The following AGAP1 variants were observed in gnomAD, a reference collection of about 807,000 sequenced individuals.
The protein encoded by AGAP1 is ArfGAP with GTPase domain, ankyrin repeat and PH domain 1.
In AGAP1, 29 loss-of-function variants were observed where a neutral mutation model predicts 105.3. That is an observed-to-expected ratio of 0.28 (90% CI 0.21 to 0.38). The LOEUF (loss-of-function observed/expected upper bound fraction) is 0.38. Among genes scored for constraint, AGAP1 ranks in the 10% least tolerant of loss-of-function variants. The pLI is 1.00. For missense variants in AGAP1, 998 were observed against 1,165.1 expected (o/e 0.86, Z 2.09); for synonymous variants, 509 against 485.9 (o/e 1.05, Z -0.63).
intron 1 of AGAP1, among the ~76,000 whole-genome samples, chr2:235,573,362 G>A (rs1026585038): frequency 6.6e-6 from 1 of 151,966 alleles, no homozygotes; most frequent in African/African-American, 2.4e-5. Context: ...ACAGGTGTGT[G>A]TCCCTGCACC....
At chr2:235,640,781 A>G (rs747681934) in intron 1 of AGAP1, among the ~76,000 whole-genome samples, 7 of 152,300 alleles carry the variant, frequency 4.6e-5, no homozygotes, top group South Asian at 4.1e-4. Context: ...CACTTTGCAA[A>G]CCTGCCTGAG....
At chr2:235,651,184 CAAAAAAAAAAAAAAAAAAAA>C (rs55990003) in intron 1 of AGAP1, among the ~76,000 whole-genome samples, 3 of 54,112 alleles carry the variant, frequency 5.5e-5, no homozygotes, top group East Asian at 1.7e-3. Flanking sequence ...AACTCCATCT[CAAAAAAAAAAAAAAAAAAAA>C]AAAAAAAAAA....
At chr2:235,987,650 A>G (rs78690639) in intron 13 of AGAP1, among the ~76,000 whole-genome samples, 58 of 152,114 alleles carry the variant, frequency 3.8e-4, no homozygotes, top group Non-Finnish European at 7.5e-4. Context: ...ATTTAGTGCT[A>G]TAAATTTCCC....
At position 236,055,160 on chromosome 2, in the gene AGAP1, A is replaced by G. The variant is rs1368386818; in HGVS notation, c.2114+5879A>G. 6.6e-6 allele frequency among the ~76,000 whole-genome samples: 1 copy of G among 152,172 alleles called. No homozygotes were observed. The highest frequency in any genetic ancestry group is 2.4e-5 in the African/African-American group (1 of 41,430). ...GGTATGAATAAACTCCTCTGATTCT[A>G]TCATCCCGGATGCAGAGGGTTCAGG... On this transcript the variant is annotated intron_variant, in intron 16 of 17. Coordinates refer to ENST00000304032, the MANE Select transcript of AGAP1 (RefSeq NM_001037131.3). The surrounding 1 kb of genome is among the most constrained non-coding windows in gnomAD (Gnocchi z 6.2).
At chr2:235,841,085 T>G (rs909469466) in intron 9 of AGAP1, among the ~76,000 whole-genome samples, 1 of 151,980 alleles carries the variant, frequency 6.6e-6, no homozygotes, top group Non-Finnish European at 1.5e-5. Context: ...GGGTCTTTGA[T>G]GACATCAGGG....
chr2:235,519,764 C>T (rs1161284871), intron 1 of AGAP1, among the ~76,000 whole-genome samples: 2 of 152,090 alleles, frequency 1.3e-5, no homozygotes, highest in African/African-American at 4.8e-5. Context: ...TACCCTGCCA[C>T]CTACCAATAT....
intron 1 of AGAP1, among the ~76,000 whole-genome samples, chr2:235,538,669 C>G (rs1311793826): frequency 1.3e-5 from 2 of 152,076 alleles, no homozygotes; most frequent in Non-Finnish European, 2.9e-5. Flanking sequence ...TCAGGCTGAA[C>G]CATCCTCACT....
At chr2:235,955,883 G>A (rs1041557231) in intron 12 of AGAP1, among the ~76,000 whole-genome samples, 3 of 152,172 alleles carry the variant, frequency 2.0e-5, no homozygotes, top group Admixed American at 2.0e-4. Flanking sequence ...GCCCCTCGCT[G>A]TACTGGCCTA....
intron 1 of AGAP1, among the ~76,000 whole-genome samples, chr2:235,629,269 TGTG>T (rs1022806815): frequency 2.2e-3 from 5 of 2,226 alleles, no homozygotes; most frequent in African/African-American, 4.5e-3. Flanking sequence ...TAGTAGTCAT[TGTG>T]TGTGTGTGTG....
chr2:235,933,263 C>T (rs1438682756), intron 12 of AGAP1, among the ~76,000 whole-genome samples: 1 of 152,096 alleles, frequency 6.6e-6, no homozygotes, highest in Non-Finnish European at 1.5e-5. Flanking sequence ...CATTGGGGCA[C>T]TTCGGACAAA....
chr2:235,534,056 CG>C (rs1574786377), intron 1 of AGAP1, among the ~76,000 whole-genome samples: 1 of 152,206 alleles, frequency 6.6e-6, no homozygotes, highest in East Asian at 1.9e-4. Context: ...CTCCAAACAC[CG>C]TCGCTGTCGA....
rs2050308735 is a variant in AGAP1, at chr2:235,887,130, A to G, written c.1155+3681A>G. On this transcript the variant is annotated intron_variant, in intron 10 of 17. Coordinates refer to ENST00000304032, the MANE Select transcript of AGAP1 (RefSeq NM_001037131.3). The surrounding 1 kb of genome is among the most constrained non-coding windows in gnomAD (Gnocchi z 4.1). Reference sequence around the variant, plus strand: ...GAAAATTTCAAAAGATCGTAGAACCAGATGATCTCAGTTAAACACGGACCA... The same window carrying G: ...GAAAATTTCAAAAGATCGTAGAACCGGATGATCTCAGTTAAACACGGACCA... Among the ~76,000 whole-genome samples, 1 of 152,234 alleles carries G rather than the reference A, an allele frequency of 6.6e-6. No homozygotes were observed. Among genetic ancestry groups the G allele is most frequent in the Non-Finnish European group, 1.5e-5 (1 of 68,032 alleles).
rs946316342 is a variant in AGAP1 at position 235,712,628 on chromosome 2, T to C, written c.222+3391T>C. ...TGGAGAAATCAGTTTAGGAAGACAT[T>C]GCATTCCCTTTGGCCTTGTGATGTG... On this transcript the variant is annotated intron_variant, in intron 2 of 17. Transcript: ENST00000304032. The surrounding 1 kb of genome is among the most constrained non-coding windows in gnomAD (Gnocchi z 6.0). Among the ~76,000 whole-genome samples, 3 of 152,236 alleles carry C rather than the reference T, an allele frequency of 2.0e-5. No individual in the cohort carries two copies. Among genetic ancestry groups the C allele is most frequent in the African/African-American group, 7.2e-5 (3 of 41,470 alleles).
intron 9 of AGAP1, among the ~76,000 whole-genome samples, chr2:235,812,303 G>A (rs1438969841): frequency 1.3e-5 from 2 of 152,218 alleles, no homozygotes; most frequent in African/African-American, 4.8e-5. Context: ...GTCAGAGGAA[G>A]AGCCGGCCTG....
rs1170088308 is a variant in AGAP1, at chr2:235,889,240, C to T, written c.1155+5791C>T. 6.6e-6 allele frequency among the ~76,000 whole-genome samples: 1 copy of T among 152,198 alleles called. No homozygotes were observed. Among genetic ancestry groups the T allele is most frequent in the Non-Finnish European group, 1.5e-5 (1 of 68,042 alleles). ...TGGAATCCCAGCAGGATGACCTGCT[C>T]TTTGAAACTGTGGCTTCAGAACAAA... On this transcript the variant is annotated intron_variant, in intron 10 of 17. Coordinates refer to ENST00000304032, the MANE Select transcript of AGAP1 (RefSeq NM_001037131.3). The surrounding 1 kb of genome is among the most constrained non-coding windows in gnomAD (Gnocchi z 4.6).
intron 11 of AGAP1, among the ~76,000 whole-genome samples, chr2:235,914,958 G>T (rs1345840235): frequency 6.6e-6 from 1 of 152,220 alleles, no homozygotes; most frequent in African/African-American, 2.4e-5. Flanking sequence ...AAACAGAGAT[G>T]ATTGTGAAAC....
In AGAP1 at chr2:235,787,194, C is replaced by T. The variant is rs370719336; in HGVS notation, c.674-10565C>T. On this transcript the variant is annotated intron_variant, in intron 6 of 17. Coordinates refer to ENST00000304032, the MANE Select transcript of AGAP1 (RefSeq NM_001037131.3). The surrounding 1 kb of genome is among the most constrained non-coding windows in gnomAD (Gnocchi z 4.4). ...TTGTAAGAGTTGAGCTAGCAGGGGC[C>T]GCCTCTACCCTTGGCTGCTGCTTCC... 1.1e-3 allele frequency among the ~76,000 whole-genome samples: 169 copies of T among 152,322 alleles called. 3 individuals carry two copies. Among genetic ancestry groups the T allele is most frequent in the Middle Eastern group, 6.8e-3 (2 of 294 alleles).
At chr2:235,790,219 G>T (rs947045303) in intron 6 of AGAP1, among the ~76,000 whole-genome samples, 1 of 152,146 alleles carries the variant, frequency 6.6e-6, no homozygotes, top group Non-Finnish European at 1.5e-5. Flanking sequence ...TCGGAGTTTA[G>T]CTAAAACTGT....
chr2:235,827,650 T>G (rs1307063093), intron 9 of AGAP1, among the ~76,000 whole-genome samples: 1 of 152,156 alleles, frequency 6.6e-6, no homozygotes, highest in Non-Finnish European at 1.5e-5. Context: ...CCTCTGAGCA[T>G]GAGTCACAGG....
Sources: gnomAD v4.1 joint callset for allele counts (sites outside exome capture counted in the v4.1 genomes callset) on GRCh38, gnomAD v4.1.1 for gene constraint, Gnocchi (gnomAD v3.1) non-coding constraint, MANE v1.5 for transcripts, NCBI Gene and HGNC (gene_info 2026-07-23, HGNC 2026-07-21) for gene names.